CALCRL: variants seen among roughly 807,000 people sequenced by gnomAD.
CALCRL encodes calcitonin receptor like receptor.
Under a neutral mutation model 60.4 loss-of-function variants are expected in CALCRL, and 27 were observed. The ratio of observed to expected loss-of-function variants is 0.45; its 90% CI spans 0.33 to 0.62. CALCRL has a LOEUF of 0.62. Ranked by LOEUF, CALCRL falls within the 20% of genes least tolerant of loss-of-function variation. The probability of loss-of-function intolerance (pLI) is 0.03; values close to 1 mark genes in which losing one functional copy is unlikely to be tolerated. For missense variants in CALCRL, 424 were observed against 540.7 expected (o/e 0.78, Z 2.14); for synonymous variants, 190 against 182.6 (o/e 1.04, Z -0.33).
At chr2:187,349,715 C>T (rs568046602) in intron 14 of CALCRL, among the ~76,000 whole-genome samples, 1 of 151,734 alleles carries the variant, frequency 6.6e-6, no homozygotes, top group East Asian at 1.9e-4. Context: ...AATTTTAGGA[C>T]ATGGCAGAAG....
At chr2:187,361,801 T>G (rs575658572) in intron 9 of CALCRL, among the ~76,000 whole-genome samples, 2 of 152,120 alleles carry the variant, frequency 1.3e-5, no homozygotes, top group East Asian at 3.9e-4. Context: ...ATCTACAACC[T>G]GAACATTCCA....
chr2:187,440,412 C>A (rs946152747), intron 1 of CALCRL, among the ~76,000 whole-genome samples: 1 of 152,066 alleles, frequency 6.6e-6, no homozygotes, highest in East Asian at 1.9e-4. Context: ...AAAGCACATG[C>A]CATTTCAAGA....
At chr2:187,380,624 A>G in intron 6 of CALCRL, 45 bp from the exon 7 acceptor site, 1 of 1,571,666 alleles carries the variant, frequency 6.4e-7, no homozygotes, top group Non-Finnish European at 8.8e-7. Flanking sequence ...TAATTAACCT[A>G]GGATTTATTA....
At position 187,418,897 on chromosome 2, in the gene CALCRL, C is replaced by A. The variant is rs1207556802; in HGVS notation, c.-293+29142G>T. Among the ~76,000 whole-genome samples, 7 of 147,034 alleles carry A rather than the reference C, an allele frequency of 4.8e-5. No individual in the cohort carries two copies. The East Asian group carries it at 7.9e-4, about 17-fold the overall frequency. The stretch of plus-strand genomic sequence containing the variant: ...TTTTAGATGGAGTCTTGCTCTGTCA[C>A]CAGGCTGGGGTGCAGTGGCGTGATC... On this transcript the variant is annotated intron_variant, in intron 1 of 14. Coordinates refer to ENST00000392370, the MANE Select transcript of CALCRL (RefSeq NM_005795.6).
intron 1 of CALCRL, among the ~76,000 whole-genome samples, chr2:187,425,142 A>G (rs946190014): frequency 1.3e-4 from 20 of 151,836 alleles, no homozygotes; most frequent in Admixed American, 8.5e-4. Flanking sequence ...CTCTTCAGAT[A>G]CTCTCTATTT....
intron 1 of CALCRL, among the ~76,000 whole-genome samples, chr2:187,403,283 A>G (rs1009013883): frequency 6.6e-6 from 1 of 151,878 alleles, no homozygotes; most frequent in Non-Finnish European, 1.5e-5. Context: ...AATCATGGGT[A>G]TCTGAGTGGG....
chr2:187,416,141 TA>T (rs1689595312), intron 1 of CALCRL, among the ~76,000 whole-genome samples: 1 of 152,206 alleles, frequency 6.6e-6, no homozygotes, highest in Non-Finnish European at 1.5e-5. Context: ...AGGTAACGCA[TA>T]TATTAATTGG....
At chr2:187,401,232 T>C (rs1688875479) in intron 1 of CALCRL, among the ~76,000 whole-genome samples, 1 of 151,608 alleles carries the variant, frequency 6.6e-6, no homozygotes, top group Admixed American at 6.6e-5. Flanking sequence ...AAAGACTTAA[T>C]GCTGATCATT....
At chr2:187,396,400 C>A (rs1031049473) in intron 1 of CALCRL, among the ~76,000 whole-genome samples, 8 of 151,688 alleles carry the variant, frequency 5.3e-5, no homozygotes, top group African/African-American at 1.7e-4. Context: ...GTACCCTAAG[C>A]TAAACTTATT....
intron 1 of CALCRL, among the ~76,000 whole-genome samples, chr2:187,435,544 A>G (rs2105900274): frequency 6.6e-6 from 1 of 152,326 alleles, no homozygotes; most frequent in African/African-American, 2.4e-5. Flanking sequence ...TATGGTATAC[A>G]TAATATTCTA....
At chr2:187,437,404 T>C (rs569377747) in intron 1 of CALCRL, among the ~76,000 whole-genome samples, 1 of 152,240 alleles carries the variant, frequency 6.6e-6, no homozygotes, top group South Asian at 2.1e-4. Flanking sequence ...TAGCCGGGCG[T>C]GATGGCGGCA....
chr2:187,447,357 T>C (rs1420232236), intron 1 of CALCRL, among the ~76,000 whole-genome samples: 3 of 151,858 alleles, frequency 2.0e-5, no homozygotes, highest in Non-Finnish European at 4.4e-5. Context: ...AAATCTACAT[T>C]TCCTAAACTC....
Position 187,439,368 on chromosome 2 carries a change from T to C in CALCRL, c.-293+8671A>G, listed in dbSNP as rs143111610. On this transcript the variant is annotated intron_variant, in intron 1 of 14. Coordinates refer to ENST00000392370, the MANE Select transcript of CALCRL (RefSeq NM_005795.6). The stretch of plus-strand genomic sequence containing the variant: ...TGTGGTCACGCTGAGGTAGGAGAAT[T>C]GCTCACACCCAGGAGACAGAGATTG... Among the ~76,000 whole-genome samples the C allele has an allele frequency of 2.0e-4, 31 of 152,040 alleles. No individual in the cohort carries two copies. In the East Asian group the frequency reaches 5.6e-3, roughly 28 times the overall value.
At chr2:187,404,520 G>A (rs1437487367) in intron 1 of CALCRL, among the ~76,000 whole-genome samples, 2 of 147,488 alleles carry the variant, frequency 1.4e-5, no homozygotes, top group Non-Finnish European at 3.0e-5. Flanking sequence ...TTTTTTTGTA[G>A]AAAACACAAC....
At chr2:187,372,379 T>G (rs1451610053) in intron 8 of CALCRL, among the ~76,000 whole-genome samples, 1 of 151,510 alleles carries the variant, frequency 6.6e-6, no homozygotes, top group Non-Finnish European at 1.5e-5. Flanking sequence ...CGAGTAAGAG[T>G]CATTGCCTCT....
intron 1 of CALCRL, among the ~76,000 whole-genome samples, chr2:187,398,334 A>T (rs968239519): frequency 7.3e-5 from 11 of 151,678 alleles, no homozygotes; most frequent in Admixed American, 7.3e-4. Context: ...CAACAATAAA[A>T]TCAGAAAATA....
At chr2:187,351,868 TAGAC>T (rs760521226) in intron 14 of CALCRL, 48 bp downstream of exon 14, 111 of 1,097,280 alleles carry the variant, frequency 1.0e-4, no homozygotes, top group East Asian at 7.0e-4. Context: ...CATGGATAGA[TAGAC>T]AGATAGCAAA....
At chr2:187,445,656 G>T (rs968188060) in intron 1 of CALCRL, among the ~76,000 whole-genome samples, 3 of 151,234 alleles carry the variant, frequency 2.0e-5, no homozygotes, top group Non-Finnish European at 4.4e-5. Context: ...CAAATACTTT[G>T]TCCACATTAA....
intron 8 of CALCRL, among the ~76,000 whole-genome samples, chr2:187,369,605 T>C (rs1274583352): frequency 6.6e-6 from 1 of 152,198 alleles, no homozygotes; most frequent in Non-Finnish European, 1.5e-5. Context: ...TACTATTGGA[T>C]AGTAATATTT....
Sources: gnomAD v4.1 joint callset for allele counts (sites outside exome capture counted in the v4.1 genomes callset) on GRCh38, gnomAD v4.1.1 for gene constraint, MANE v1.5 for transcripts, NCBI Gene and HGNC (gene_info 2026-07-23, HGNC 2026-07-21) for gene names.